PREX2: variants seen among roughly 807,000 people sequenced by gnomAD.
PREX2 encodes phosphatidylinositol-3,4,5-trisphosphate dependent Rac exchange factor 2.
In PREX2, 107 loss-of-function variants were observed where a neutral mutation model predicts 203.2. The ratio of observed to expected loss-of-function variants is 0.53; its 90% CI spans 0.45 to 0.62. The LOEUF is 0.62. Ranked by LOEUF, PREX2 falls within the 20% of genes least tolerant of loss-of-function variation. PREX2 has a pLI of 0.00. For synonymous variants in PREX2, 672 were observed against 663.6 expected (o/e 1.01, Z -0.19); for missense variants, 1,777 against 1,955.9 (o/e 0.91, Z 1.72).
intron 33 of PREX2, among the ~76,000 whole-genome samples, chr8:68,141,070 A>C (rs1811220373): frequency 6.6e-6 from 1 of 152,192 alleles, no homozygotes; most frequent in African/African-American, 2.4e-5. Context: ...TTGGCATGGA[A>C]CTTAGACACT....
At chr8:67,984,892 GGA>G (rs1203695678) in intron 1 of PREX2, among the ~76,000 whole-genome samples, 1 of 152,164 alleles carries the variant, frequency 6.6e-6, no homozygotes, top group Non-Finnish European at 1.5e-5. Flanking sequence ...GGACGGAGAG[GGA>G]GAGGGGGCCT....
chr8:68,131,756 G>T (rs1000293555), intron 31 of PREX2, among the ~76,000 whole-genome samples: 1 of 152,128 alleles, frequency 6.6e-6, no homozygotes, highest in African/African-American at 2.4e-5. Context: ...TTCTACCAGT[G>T]GCAAAGTTAT....
At chr8:68,032,019 C>T (rs1807898650) in intron 6 of PREX2, among the ~76,000 whole-genome samples, 1 of 152,054 alleles carries the variant, frequency 6.6e-6, no homozygotes, top group African/African-American at 2.4e-5. Context: ...ATTGAGTGTA[C>T]TGCAGAAATG....
At chr8:67,959,877 A>G (rs1386859914) in intron 1 of PREX2, among the ~76,000 whole-genome samples, 1 of 151,966 alleles carries the variant, frequency 6.6e-6, no homozygotes, top group Non-Finnish European at 1.5e-5. Flanking sequence ...GAAACTTACA[A>G]ACTCTCTCTT....
At chr8:68,114,245 A>G (rs1810596385) in intron 25 of PREX2, 1 of 472,790 alleles carries the variant, frequency 2.1e-6, no homozygotes, top group Non-Finnish European at 4.3e-6. Flanking sequence ...AAATCACTTA[A>G]TAGGTATTTA....
intron 32 of PREX2, 44 bp downstream of exon 32, chr8:68,134,320 C>A (rs762848575): frequency 7.0e-7 from 1 of 1,430,680 alleles, no homozygotes; most frequent in Non-Finnish European, 9.8e-7. Context: ...CAACTGTAAC[C>A]TGCACTGTAA....
At chr8:68,220,605 G>A (rs1812934365) in intron 38 of PREX2, among the ~76,000 whole-genome samples, 2 of 151,962 alleles carry the variant, frequency 1.3e-5, no homozygotes, top group Admixed American at 1.3e-4. Flanking sequence ...ACCATGCCAC[G>A]GGCACAAGCA....
Position 67,989,282 on chromosome 8 carries a change from G to GT in PREX2, c.142-28558dup, listed in dbSNP as rs560929686. 2.8e-4 allele frequency among the ~76,000 whole-genome samples: 42 copies of GT among 152,180 alleles called. 1 individual carries two copies. The South Asian group carries it at 4.8e-3, about 17-fold the overall frequency. ...AAGAATAATAGATTTCCTTATAATA[G>GT]TTTTTTCGAATTAAATAGTTCTTTT... On this transcript the variant is annotated intron_variant, in intron 1 of 39. Transcript: ENST00000288368.
chr8:68,009,081 A>G (rs537717447), intron 1 of PREX2, among the ~76,000 whole-genome samples: 14 of 152,312 alleles, frequency 9.2e-5, no homozygotes, highest in African/African-American at 3.4e-4. Flanking sequence ...AGATCAGAGT[A>G]TGAGATGAAG....
In PREX2 at chr8:68,235,888, T is replaced by C. The variant is rs1395086589; in HGVS notation, c.*4510T>C. 6.6e-6 allele frequency: 1 copy of C among 152,148 alleles called. No homozygotes were observed. Among genetic ancestry groups the C allele is most frequent in the Non-Finnish European group, 1.5e-5 (1 of 68,004 alleles). 9.4% of individuals were successfully genotyped at this position (152,148 alleles called of 1,614,324 possible). A position where few individuals can be genotyped will look rare whatever the true frequency, so the allele number is the denominator to read the frequency against. ...TCTGTGCATCATTGAGCAATTGTTA[T>C]GTAGACACAAGGCCTGCTTCACTCA... On this transcript the variant is annotated 3_prime_UTR_variant, in exon 40 of 40. Coordinates refer to ENST00000288368, the MANE Select transcript of PREX2 (RefSeq NM_024870.4).
Position 68,234,071 on chromosome 8 carries a change from T to C in PREX2, c.*2693T>C, listed in dbSNP as rs1042479965. On this transcript the variant is annotated 3_prime_UTR_variant, in exon 40 of 40. Coordinates refer to ENST00000288368, the MANE Select transcript of PREX2 (RefSeq NM_024870.4). ...AGTGTTGCAATCTGAAAAACTATTT[T>C]GTATCATGTTCCTCCTCATCAAAAA... 3 of 152,226 alleles carry C rather than the reference T, an allele frequency of 2.0e-5. No homozygotes were observed. The highest frequency in any genetic ancestry group is 7.2e-5 in the African/African-American group (3 of 41,470). The allele number at this position is 152,226 out of a possible 1,614,324, so 9.4% of individuals were successfully genotyped here. A position where few individuals can be genotyped will look rare whatever the true frequency, so the allele number is the denominator to read the frequency against.
intron 26 of PREX2, among the ~76,000 whole-genome samples, 183 bp from the exon 27 acceptor site, chr8:68,118,367 A>AG (rs1409193828): frequency 1.3e-5 from 2 of 152,148 alleles, no homozygotes; most frequent in African/African-American, 4.8e-5. Flanking sequence ...AAAAAAAAAA[A>AG]AAAGACAGAA....
chr8:68,022,387 C>T (rs1049801788), intron 4 of PREX2, among the ~76,000 whole-genome samples: 9 of 152,050 alleles, frequency 5.9e-5, no homozygotes, highest in Non-Finnish European at 8.8e-5. Context: ...AGGTTCCTAG[C>T]GAGAGAGGAG....
intron 1 of PREX2, among the ~76,000 whole-genome samples, chr8:68,005,579 A>G (rs969739300): frequency 2.6e-5 from 4 of 151,956 alleles, no homozygotes; most frequent in African/African-American, 9.7e-5. Flanking sequence ...GGTCGTACAT[A>G]CCCCTCTTTC....
At chr8:68,011,595 C>T (rs1807263133) in intron 1 of PREX2, among the ~76,000 whole-genome samples, 1 of 152,026 alleles carries the variant, frequency 6.6e-6, no homozygotes, top group African/African-American at 2.4e-5. Flanking sequence ...TGTTAATTTT[C>T]TCCAAGTGTT....
chr8:67,988,811 G>A lies in PREX2; in HGVS notation c.142-29035G>A, dbSNP rs117999021. Among the ~76,000 whole-genome samples, 618 of 152,286 alleles carry A rather than the reference G, an allele frequency of 4.1e-3. 1 individual carries two copies. The highest frequency in any genetic ancestry group is 0.02 in the Middle Eastern group (6 of 294). ...AGGTGGTGGGGAAGGTGACAAGGTG[G>A]AGAGAGCCTGTGCCCCACCCCATGG... On this transcript the variant is annotated intron_variant, in intron 1 of 39. Transcript: ENST00000288368.
At chr8:68,131,580 T>C (rs1811009495) in intron 31 of PREX2, among the ~76,000 whole-genome samples, 1 of 152,190 alleles carries the variant, frequency 6.6e-6, no homozygotes, top group South Asian at 2.1e-4. Flanking sequence ...AAGTTGACGT[T>C]AATTGCAATC....
chr8:68,204,880 A>G (rs1246029677), intron 37 of PREX2, among the ~76,000 whole-genome samples: 2 of 150,680 alleles, frequency 1.3e-5, no homozygotes, highest in Admixed American at 6.6e-5. Context: ...ACGGGGTTTC[A>G]CCGTGTTAGC....
chr8:68,071,159 C>A (rs1809182436), intron 13 of PREX2, among the ~76,000 whole-genome samples: 1 of 152,032 alleles, frequency 6.6e-6, no homozygotes, highest in Non-Finnish European at 1.5e-5. Context: ...TGTGAGGTTT[C>A]TTATCAAGAA....
Sources: allele counts gnomAD v4.1 joint callset (sites outside exome capture counted in the v4.1 genomes callset), GRCh38; gene constraint gnomAD v4.1.1; transcripts MANE v1.5; gene names NCBI Gene and HGNC (gene_info 2026-07-23, HGNC 2026-07-21).